The following ADGB variants were observed in gnomAD, a reference collection of about 807,000 sequenced individuals.
ADGB encodes the protein androglobin, also known as calpain-7-like protein.
ADGB carries 172 observed loss-of-function variants against 210.5 expected under a neutral mutation model. That is an observed-to-expected ratio of 0.82 (90% confidence interval 0.72 to 0.93). The LOEUF (loss-of-function observed/expected upper bound fraction) is 0.93. Among genes scored for constraint, ADGB ranks in the 40% least tolerant of loss-of-function variants. The pLI, the probability that ADGB is intolerant of heterozygous loss-of-function variation, is 0.00. For missense variants in ADGB, 2,025 were observed against 1,964.8 expected (o/e 1.03, Z -0.58); for synonymous variants, 658 against 662.7 (o/e 0.99, Z 0.11).
rs534352441 is a variant in ADGB, at chr6:146,668,311, C to G, written c.839+1409C>G. Among the ~76,000 whole-genome samples, 78 of 152,148 alleles carry G rather than the reference C, an allele frequency of 5.1e-4. 2 individuals carry two copies. Among genetic ancestry groups the G allele is most frequent in the Non-Finnish European group, 6.8e-4 (46 of 67,968 alleles). On this transcript the variant is annotated intron_variant, in intron 7 of 35. Coordinates refer to ENST00000397944, the MANE Select transcript of ADGB (RefSeq NM_024694.4). ...CTGGTAATAGGAAGCTGCAATTCCC[C>G]AGGGGCAATAGAGATTAGAGGAGGT...
chr6:146,731,256 A>G (rs1776981393), intron 20 of ADGB, among the ~76,000 whole-genome samples: 1 of 152,062 alleles, frequency 6.6e-6, no homozygotes, highest in Non-Finnish European at 1.5e-5. Context: ...AACAAGTCTG[A>G]TAGTGCCCCC....
At chr6:146,662,152 G>C (rs554288213) in intron 5 of ADGB, among the ~76,000 whole-genome samples, 2 of 152,172 alleles carry the variant, frequency 1.3e-5, no homozygotes, top group South Asian at 4.1e-4. Flanking sequence ...TGAGTTCCTT[G>C]AGTTTGTAGG....
chr6:146,656,694 T>A (rs998304678), intron 4 of ADGB, 77 bp from the exon 5 acceptor site: 2 of 985,136 alleles, frequency 2.0e-6, no homozygotes, highest in Admixed American at 3.2e-5. Flanking sequence ...AGTGGATTTT[T>A]TTACTGTTTT....
chr6:146,674,573 G>A (rs1486751584), intron 8 of ADGB, among the ~76,000 whole-genome samples: 2 of 152,114 alleles, frequency 1.3e-5, no homozygotes, highest in African/African-American at 2.4e-5. Flanking sequence ...AGAAGATGAG[G>A]ACTTCAGACC....
At chr6:146,721,379 G>A in intron 16 of ADGB, 24 bp from the exon 17 acceptor site, 1 of 1,383,418 alleles carries the variant, frequency 7.2e-7, no homozygotes. Context: ...TATTAAGTAT[G>A]ACAACTGGTC....
At chr6:146,642,139 CCAA>C (rs1473122011) in intron 2 of ADGB, among the ~76,000 whole-genome samples, 6 of 151,984 alleles carry the variant, frequency 3.9e-5, no homozygotes, top group South Asian at 2.1e-4. Flanking sequence ...ATATATGCAG[CCAA>C]CAAGCATATG....
At chr6:146,701,185 T>A in intron 13 of ADGB, 115 bp downstream of exon 13, 1 of 1,174,260 alleles carries the variant, frequency 8.5e-7, no homozygotes, top group Non-Finnish European at 1.2e-6. Context: ...CTGAACAGTA[T>A]AAAGAATAGT....
At chr6:146,604,442 C>G (rs1238756383) in intron 1 of ADGB, among the ~76,000 whole-genome samples, 1 of 152,026 alleles carries the variant, frequency 6.6e-6, no homozygotes, top group East Asian at 1.9e-4. Context: ...TTTGTGGCCC[C>G]CCTTTGTTTC....
chr6:146,786,363 C>G (rs908300709), intron 32 of ADGB, among the ~76,000 whole-genome samples: 1 of 151,744 alleles, frequency 6.6e-6, no homozygotes, highest in Non-Finnish European at 1.5e-5. Flanking sequence ...CTGATTACAT[C>G]GATTGCCACA....
rs182011348 is a variant in ADGB at position 146,649,367 on chromosome 6, C to A, written c.330+4502C>A. On this transcript the variant is annotated intron_variant, in intron 3 of 35. Coordinates refer to ENST00000397944, the MANE Select transcript of ADGB (RefSeq NM_024694.4). ...TTTTGTTTTTGGCTGGGTTGATAGT[C>A]TCACAATATTTGTGCCAAACTCTGA... Among the ~76,000 whole-genome samples, 228 of 152,074 alleles carry A rather than the reference C, an allele frequency of 1.5e-3. 1 individual carries two copies. The highest frequency in any genetic ancestry group is 1.9e-3 in the Non-Finnish European group (130 of 67,982).
chr6:146,782,299 C>A (rs929904439), intron 30 of ADGB, 107 bp downstream of exon 30: 4 of 1,121,564 alleles, frequency 3.6e-6, no homozygotes, highest in South Asian at 2.0e-5. Context: ...TTCTTTCTCC[C>A]TGATTCCAGA....
intron 2 of ADGB, among the ~76,000 whole-genome samples, chr6:146,638,596 G>A (rs1363409316): frequency 1.4e-5 from 1 of 70,068 alleles, no homozygotes; most frequent in African/African-American, 6.9e-5. Context: ...ACACACTGGG[G>A]CCTGTTGTGG....
chr6:146,723,871 G>A (rs942487203), intron 17 of ADGB, among the ~76,000 whole-genome samples: 22 of 152,058 alleles, frequency 1.4e-4, no homozygotes, highest in African/African-American at 4.8e-4. Context: ...GGATATTGTA[G>A]TTATTACCAT....
intron 13 of ADGB, among the ~76,000 whole-genome samples, chr6:146,709,334 A>G (rs974873202): frequency 6.6e-6 from 1 of 152,082 alleles, no homozygotes; most frequent in Non-Finnish European, 1.5e-5. Context: ...AAGAGTAGTA[A>G]ATTATTCTAA....
chr6:146,644,466 C>T (rs568898546), intron 2 of ADGB, among the ~76,000 whole-genome samples: 4 of 151,840 alleles, frequency 2.6e-5, no homozygotes, highest in Non-Finnish European at 5.9e-5. Flanking sequence ...TGCTTTCCTG[C>T]CGTATCTAAT....
At chr6:146,736,757 G>C (rs1410884256) in intron 23 of ADGB, among the ~76,000 whole-genome samples, 166 bp downstream of exon 23, 1 of 152,092 alleles carries the variant, frequency 6.6e-6, no homozygotes, top group Non-Finnish European at 1.5e-5. Flanking sequence ...TATGGTACTT[G>C]CTACTTTTTG....
At chr6:146,708,013 T>A (rs1007812122) in intron 13 of ADGB, among the ~76,000 whole-genome samples, 6 of 152,096 alleles carry the variant, frequency 3.9e-5, no homozygotes, top group Non-Finnish European at 7.4e-5. Context: ...ATGAATACCA[T>A]GAGGCTTACA....
intron 33 of ADGB, among the ~76,000 whole-genome samples, chr6:146,799,058 C>CAA (rs71552962): frequency 0.025 from 1,582 of 63,372 alleles, 72 homozygotes; most frequent in African/African-American, 0.042. Context: ...TATGGAAATG[C>CAA]AAAAAAAAAA....
intron 8 of ADGB, among the ~76,000 whole-genome samples, chr6:146,674,943 C>G (rs986169099): frequency 6.6e-6 from 1 of 152,010 alleles, no homozygotes; most frequent in Non-Finnish European, 1.5e-5. Context: ...TTTGAAAGCT[C>G]TTAAAGTCCT....
Sources: gnomAD v4.1 joint callset for allele counts (sites outside exome capture counted in the v4.1 genomes callset) on GRCh38, gnomAD v4.1.1 for gene constraint, MANE v1.5 for transcripts, NCBI Gene and HGNC (gene_info 2026-07-23, HGNC 2026-07-21) for gene names.